CYP4F8: variants seen among roughly 807,000 people sequenced by gnomAD.
The protein encoded by CYP4F8 is cytochrome P450 4F8.
In CYP4F8, 56 loss-of-function variants were observed where a neutral mutation model predicts 55.0. The observed-to-expected ratio is 1.02, with a 90% CI of 0.82 to 1.27. CYP4F8 has a LOEUF of 1.27. CYP4F8 is among the 50% of genes most tolerant of loss of function. The pLI is 0.00. For synonymous variants in CYP4F8, 288 were observed against 267.3 expected, an observed-to-expected ratio of 1.08 and a Z score of -0.76; for missense variants, 680 against 682.4, an observed-to-expected ratio of 1.00 and a Z score of 0.04.
At chr19:15,619,109 C>G (rs1230152598) in intron 3 of CYP4F8, 1 of 197,990 alleles carries the variant, frequency 5.1e-6, no homozygotes, top group Admixed American at 5.3e-5. Flanking sequence ...GGGAGGTTGG[C>G]CTTCAGGCAC....
intron 5 of CYP4F8, 131 bp from the exon 6 acceptor site, chr19:15,622,088 C>T (rs981917344): frequency 1.3e-5 from 16 of 1,259,304 alleles, no homozygotes; most frequent in Admixed American, 5.9e-5. Flanking sequence ...GCGTAGTCCT[C>T]CCTGAGGATG....
At chr19:15,625,077 A>T (rs1972244767) in intron 9 of CYP4F8, among the ~76,000 whole-genome samples, 1 of 151,914 alleles carries the variant, frequency 6.6e-6, no homozygotes, top group South Asian at 2.1e-4. Flanking sequence ...TCTTAAAAAA[A>T]TATTTAAAAA....
chr19:15,621,908 C>A, intron 5 of CYP4F8: 1 of 228,226 alleles, frequency 4.4e-6, no homozygotes, highest in Non-Finnish European at 8.5e-6. Flanking sequence ...GCCTGGCTCC[C>A]TGGCATCAAA....
chr19:15,620,529 T>C (rs1406794070), intron 5 of CYP4F8, among the ~76,000 whole-genome samples: 1 of 152,090 alleles, frequency 6.6e-6, no homozygotes, highest in Non-Finnish European at 1.5e-5. Flanking sequence ...TAGATGGAAT[T>C]ACAGGCGCCC....
At position 15,628,286 on chromosome 19, in the gene CYP4F8, T is replaced by A; in HGVS notation, c.1116-16T>A. ...GCCGTGTATGCTCTCTGGATAATTGTTGGGTGTTTCCTTAGGGACGACCTG... is the reference window on the plus strand; with the variant it reads ...GCCGTGTATGCTCTCTGGATAATTGATGGGTGTTTCCTTAGGGACGACCTG... On this transcript the variant is annotated splice_polypyrimidine_tract_variant and intron_variant, in intron 9 of 12. Transcript: ENST00000612078. 1 of 1,613,866 alleles carries A rather than the reference T, an allele frequency of 6.2e-7. No homozygotes were observed. Among genetic ancestry groups the A allele is most frequent in the South Asian group, 1.1e-5 (1 of 91,072 alleles).
intron 9 of CYP4F8, among the ~76,000 whole-genome samples, chr19:15,626,825 T>A (rs933136944): frequency 2.0e-5 from 3 of 152,214 alleles, no homozygotes; most frequent in Admixed American, 6.5e-5. Context: ...TCCTATGTTA[T>A]CATCTTTTAA....
chr19:15,622,489 A>AGAGAGC, intron 6 of CYP4F8, 149 bp downstream of exon 6: 1 of 1,207,854 alleles, frequency 8.3e-7, no homozygotes, highest in Non-Finnish European at 1.1e-6. Context: ...GGAGAGAGAG[A>AGAGAGC]GAGAGCGAGA....
chr19:15,619,903 A>T, intron 5 of CYP4F8, 141 bp downstream of exon 5: 1 of 1,117,984 alleles, frequency 8.9e-7, no homozygotes, highest in Non-Finnish European at 1.2e-6. Context: ...CCATGAGGCT[A>T]ATAATCCTCA....
At position 15,623,479 on chromosome 19, in the gene CYP4F8, A is replaced by T. The variant is rs1018968268; in HGVS notation, c.918+104A>T. The T allele has an allele frequency of 4.2e-5, 63 of 1,511,264 alleles. No individual in the cohort carries two copies. In the African/African-American group the frequency reaches 7.8e-4, roughly 19 times the overall value. The allele number at this position is 1,511,264 out of a possible 1,614,324, so 93.6% of individuals were successfully genotyped here. On this transcript the variant is annotated intron_variant, in intron 7 of 12. Coordinates refer to ENST00000612078, the MANE Select transcript of CYP4F8 (RefSeq NM_007253.4). ...TACAGAGGGCACTAAGGAGCCATGG[A>T]AGGTGCTCGAAGAAGGGAGGGACAA... is the stretch of plus-strand genomic sequence containing the variant.
rs1312815828 is a variant in CYP4F8, at chr19:15,619,761, A to G, written c.524A>G (p.His175Arg). 1 of 1,613,926 alleles carries G rather than the reference A, an allele frequency of 6.2e-7. No individual in the cohort carries two copies. The highest frequency in any genetic ancestry group is 1.7e-5 in the Admixed American group (1 of 59,990). Residue 175 changes from histidine to arginine, a missense_variant and splice_region_variant, in exon 5 of 13, where the codon CAT becomes CGT. By Grantham distance (29) the His-to-Arg change is conservative (BLOSUM62 0). Transcript: ENST00000612078. The part of the protein sequence containing the change: ...KIFSKSANIM[H>R]AKWQRLAMEG... Reference sequence around the variant, plus strand: ...TTCAGCAAGAGTGCAAACATCATGCATGTGAGTGCCTTGAACTCAGCATCC... The same window carrying G: ...TTCAGCAAGAGTGCAAACATCATGCGTGTGAGTGCCTTGAACTCAGCATCC...
chr19:15,615,593 C>A (rs766616275), intron 1 of CYP4F8, 23 bp from the exon 2 acceptor site: 2 of 1,611,178 alleles, frequency 1.2e-6, no homozygotes, highest in South Asian at 2.2e-5. Flanking sequence ...AGGACCTCAC[C>A]CTCCATCCCG....
Position 15,623,281 on chromosome 19 carries a change from G to A in CYP4F8, c.824G>A (p.Arg275His), listed in dbSNP as rs746438538. The change falls in exon 7 of 13, where the codon CGC becomes CAC. Residue 275 changes from arginine to histidine, a missense_variant. Physicochemically the swap from Arg to His is conservative, Grantham distance 29 (BLOSUM62 0). Coordinates refer to ENST00000612078, the MANE Select transcript of CYP4F8 (RefSeq NM_007253.4). The part of the protein sequence containing the change: ...DFTDAVIQER[R>H]RTLTSQGVDD... ...ACAGATGCCGTCATCCAGGAGCGGC[G>A]CCGCACCCTCACTAGCCAGGGTGTT... 4.9e-5 allele frequency: 79 copies of A among 1,613,870 alleles called. No individual in the cohort carries two copies. The highest frequency in any genetic ancestry group is 2.0e-4 in the East Asian group (9 of 44,860).
chr19:15,623,493 A>G, intron 7 of CYP4F8, 118 bp downstream of exon 7: 1 of 1,456,552 alleles, frequency 6.9e-7, no homozygotes, highest in Non-Finnish European at 9.2e-7. Context: ...TGCTCGAAGA[A>G]GGGAGGGACA....
chr19:15,621,940 T>C (rs920883765), intron 5 of CYP4F8: 2 of 296,648 alleles, frequency 6.7e-6, no homozygotes, highest in Non-Finnish European at 1.2e-5. Flanking sequence ...TGATTGCTAT[T>C]GAGGATTTGA....
chr19:15,617,287 T>C (rs1972134941), intron 2 of CYP4F8, among the ~76,000 whole-genome samples: 1 of 152,096 alleles, frequency 6.6e-6, no homozygotes, highest in Non-Finnish European at 1.5e-5. Context: ...GATGTAGCCT[T>C]GGAAGTTAGA....
In CYP4F8 at chr19:15,623,250, G is replaced by A. The variant is rs765914944; in HGVS notation, c.793G>A (p.Asp265Asn). 31 of 1,613,942 alleles carry A rather than the reference G, an allele frequency of 1.9e-5. No individual in the cohort carries two copies. In the African/African-American group the frequency reaches 2.1e-4, roughly 11 times the overall value. ...RFHRACRLVHDFTDAVIQERR... is the reference protein window; with the variant it reads ...RFHRACRLVHNFTDAVIQERR... ...CCACAGGGCCTGCAGACTGGTGCAC[G>A]ACTTCACAGATGCCGTCATCCAGGA... The change falls in exon 7 of 13, where the codon GAC (aspartate) becomes AAC (asparagine). Residue 265 changes from aspartate to asparagine, a missense_variant. By Grantham distance (23) the Asp-to-Asn change is conservative. Coordinates refer to ENST00000612078, the MANE Select transcript of CYP4F8 (RefSeq NM_007253.4).
intron 6 of CYP4F8, 76 bp from the exon 7 acceptor site, chr19:15,623,027 TGG>T (rs1972213849): frequency 6.6e-7 from 1 of 1,509,118 alleles, no homozygotes; most frequent in Admixed American, 2.0e-5. Context: ...AATGTGGTCC[TGG>T]GATTCTGGCT....
intron 2 of CYP4F8, among the ~76,000 whole-genome samples, chr19:15,617,375 G>A (rs1173050613): frequency 6.6e-6 from 1 of 152,206 alleles, no homozygotes; most frequent in Non-Finnish European, 1.5e-5. Context: ...GCTGTTCATT[G>A]CAGAGGCTGT....
chr19:15,617,751 C>G (rs1292280038), intron 2 of CYP4F8, among the ~76,000 whole-genome samples: 2 of 152,184 alleles, frequency 1.3e-5, no homozygotes, highest in Non-Finnish European at 2.9e-5. Context: ...ATGGATGTCT[C>G]AGCTGCAGAG....
Sources: allele counts gnomAD v4.1 joint callset (sites outside exome capture counted in the v4.1 genomes callset), GRCh38; gene constraint gnomAD v4.1.1; transcripts MANE v1.5; gene names NCBI Gene and HGNC (gene_info 2026-07-23, HGNC 2026-07-21).